Variants in WDR72 observed in about 807,000 individuals in gnomAD.
The protein encoded by WDR72 is WD repeat domain 72.
A neutral mutation model predicts 124.2 loss-of-function variants in WDR72; 120 were observed. That is an observed-to-expected ratio of 0.97 (90% CI 0.83 to 1.12). The LOEUF is 1.12. Among genes scored for constraint, WDR72 ranks in the 50% most tolerant of loss-of-function variants. The pLI, the probability that WDR72 is intolerant of heterozygous loss-of-function variation, is 0.00. For missense variants in WDR72, 1,387 were observed against 1,278.8 expected (o/e 1.08, Z -1.29); for synonymous variants, 452 against 441.7 (o/e 1.02, Z -0.29).
chr15:53,569,090 C>CT (rs5812692), intron 18 of WDR72, among the ~76,000 whole-genome samples: 125,141 of 151,806 alleles, frequency 0.82, 51,729 homozygotes, highest in Middle Eastern at 0.91. Context: ...GTTTTCTTTC[C>CT]TTTCACAGGA....
rs1278853223 is a variant in WDR72, at chr15:53,735,289, G to GA, written c.-12-2129dup. On this transcript the variant is annotated intron_variant, in intron 1 of 19. Transcript: ENST00000360509. ...CTGGGCTACAGAGCAAGACAGGGGG[G>GA]AAAAAAAAGACCATGACAAGTATTA... is the stretch of plus-strand genomic sequence containing the variant. Among the ~76,000 whole-genome samples, 7 of 151,344 alleles carry GA rather than the reference G, an allele frequency of 4.6e-5. No individual in the cohort carries two copies. In the South Asian group the frequency reaches 1.0e-3, roughly 23 times the overall value.
intron 18 of WDR72, among the ~76,000 whole-genome samples, chr15:53,525,987 T>A (rs150618505): frequency 6.6e-6 from 1 of 152,180 alleles, no homozygotes; most frequent in African/African-American, 2.4e-5. Context: ...GGCTAATCCT[T>A]GCAATTGTTC....
chr15:53,661,867 C>A (rs1258999919), intron 14 of WDR72, among the ~76,000 whole-genome samples: 1 of 152,100 alleles, frequency 6.6e-6, no homozygotes, highest in Non-Finnish European at 1.5e-5. Flanking sequence ...CAAGGAGCTG[C>A]TGGGGGACCT....
At chr15:53,584,159 G>C (rs1479648943) in intron 18 of WDR72, among the ~76,000 whole-genome samples, 23 of 152,004 alleles carry the variant, frequency 1.5e-4, no homozygotes. Context: ...AACGATTACA[G>C]ATGAATAAAA....
chr15:53,647,411 G>C (rs1389707257), intron 14 of WDR72, among the ~76,000 whole-genome samples: 1 of 151,974 alleles, frequency 6.6e-6, no homozygotes, highest in Admixed American at 6.6e-5. Flanking sequence ...AAGAAAATTA[G>C]ATCATCCATA....
intron 18 of WDR72, among the ~76,000 whole-genome samples, chr15:53,526,498 T>C (rs1892125457): frequency 6.6e-6 from 1 of 152,100 alleles, no homozygotes; most frequent in South Asian, 2.1e-4. Context: ...CATGTCTCTT[T>C]GAGCTTTTTC....
chr15:53,612,534 G>A (rs1181232918), intron 16 of WDR72, among the ~76,000 whole-genome samples: 1 of 151,992 alleles, frequency 6.6e-6, no homozygotes, highest in Non-Finnish European at 1.5e-5. Flanking sequence ...CTAATGCAAA[G>A]GTCCTCAGAC....
intron 14 of WDR72, among the ~76,000 whole-genome samples, chr15:53,647,054 G>A (rs1250271173): frequency 1.3e-5 from 2 of 152,088 alleles, no homozygotes; most frequent in African/African-American, 4.8e-5. Context: ...AGAAAGCTTA[G>A]TAAGTCTGAC....
At chr15:53,722,041 A>T (rs928177765) in intron 3 of WDR72, among the ~76,000 whole-genome samples, 25 of 149,470 alleles carry the variant, frequency 1.7e-4, no homozygotes, top group Non-Finnish European at 3.7e-4. Context: ...TTTATTTTTT[A>T]TTTTTATTTA....
At chr15:53,719,230 C>T (rs757449737) in intron 3 of WDR72, among the ~76,000 whole-genome samples, 5 of 152,140 alleles carry the variant, frequency 3.3e-5, no homozygotes, top group Admixed American at 6.5e-5. Context: ...AAGTCTATTA[C>T]ATTTTTCAAA....
At position 53,515,562 on chromosome 15, in the gene WDR72, A is replaced by C. The variant is rs1335888154; in HGVS notation, c.*2137T>G. Reference sequence around the variant, plus strand: ...ATTAAAAGCTTTCATAGTTAATGGTATGATATTGGCCTTCAGAATTCATAT... The same window carrying C: ...ATTAAAAGCTTTCATAGTTAATGGTCTGATATTGGCCTTCAGAATTCATAT... On this transcript the variant is annotated 3_prime_UTR_variant, in exon 20 of 20. Coordinates refer to ENST00000360509, the MANE Select transcript of WDR72 (RefSeq NM_182758.4). 3.9e-5 allele frequency: 6 copies of C among 152,192 alleles called. No homozygotes were observed. The highest frequency in any genetic ancestry group is 2.9e-5 in the Non-Finnish European group (2 of 68,018). The allele number at this position is 152,192 out of a possible 1,614,324, so 9.4% of individuals were successfully genotyped here.
At chr15:53,533,493 C>G (rs1892595142) in intron 18 of WDR72, among the ~76,000 whole-genome samples, 1 of 152,064 alleles carries the variant, frequency 6.6e-6, no homozygotes, top group African/African-American at 2.4e-5. Flanking sequence ...AGTCATACCC[C>G]TAAAACCAAG....
At chr15:53,751,124 G>C (rs1291742104) in intron 1 of WDR72, among the ~76,000 whole-genome samples, 1 of 152,024 alleles carries the variant, frequency 6.6e-6, no homozygotes, top group African/African-American at 2.4e-5. Context: ...TTTCACAAAA[G>C]GTCTGAGCAC....
chr15:53,626,937 A>G (rs2014235278), intron 14 of WDR72, among the ~76,000 whole-genome samples: 1 of 152,264 alleles, frequency 6.6e-6, no homozygotes, highest in Admixed American at 6.5e-5. Context: ...CACTTCGTAC[A>G]GTAACACTTA....
intron 18 of WDR72, among the ~76,000 whole-genome samples, chr15:53,590,405 C>G (rs1225694408): frequency 6.6e-6 from 1 of 152,054 alleles, no homozygotes; most frequent in African/African-American, 2.4e-5. Context: ...GAATAACTTA[C>G]AATGCTACAC....
intron 19 of WDR72, among the ~76,000 whole-genome samples, chr15:53,521,382 G>A (rs1028864703): frequency 1.3e-5 from 2 of 152,058 alleles, no homozygotes; most frequent in Non-Finnish European, 2.9e-5. Context: ...CTCAGTGGAA[G>A]GCAGTGAGAC....
At chr15:53,723,132 T>C (rs533244950) in intron 2 of WDR72, among the ~76,000 whole-genome samples, 1 of 150,942 alleles carries the variant, frequency 6.6e-6, no homozygotes, top group Non-Finnish European at 1.5e-5. Context: ...TTGGTGTCCA[T>C]CATGAAACCT....
chr15:53,675,832 G>A (rs1459707338), intron 13 of WDR72, among the ~76,000 whole-genome samples: 1 of 152,152 alleles, frequency 6.6e-6, no homozygotes, highest in African/African-American at 2.4e-5. Flanking sequence ...TGAATAAAGT[G>A]CTGGGTGAGG....
chr15:53,581,862 T>C (rs1376437120), intron 18 of WDR72, among the ~76,000 whole-genome samples: 1 of 152,020 alleles, frequency 6.6e-6, no homozygotes, highest in African/African-American at 2.4e-5. Flanking sequence ...CATGTCTAGA[T>C]TTGAGAAAAG....
Sources: allele counts gnomAD v4.1 joint callset (sites outside exome capture counted in the v4.1 genomes callset), GRCh38; gene constraint gnomAD v4.1.1; transcripts MANE v1.5; gene names NCBI Gene and HGNC (gene_info 2026-07-23, HGNC 2026-07-21).